The following NOX3 variants were observed in gnomAD, a reference collection of about 807,000 sequenced individuals.
NOX3 encodes NADPH oxidase catalytic subunit-like 3.
NOX3 carries 74 observed loss-of-function variants against 76.7 expected under a neutral mutation model. That is an observed-to-expected ratio of 0.96 (90% CI 0.80 to 1.17). NOX3 has a LOEUF of 1.17. Among genes scored for constraint, NOX3 ranks in the 50% most tolerant of loss-of-function variants. NOX3 has a pLI of 0.00. For missense variants in NOX3, 695 were observed against 703.3 expected (o/e 0.99, Z 0.13); for synonymous variants, 263 against 261.1 (o/e 1.01, Z -0.07).
chr6:155,411,701 G>C (rs938252468), intron 10 of NOX3, among the ~76,000 whole-genome samples: 9 of 152,186 alleles, frequency 5.9e-5, no homozygotes, highest in Non-Finnish European at 1.2e-4. Context: ...TGCTCCCAAA[G>C]GGGGATAAAC....
At chr6:155,412,416 C>T (rs988336370) in intron 10 of NOX3, among the ~76,000 whole-genome samples, 10 of 152,156 alleles carry the variant, frequency 6.6e-5, no homozygotes, top group Non-Finnish European at 1.5e-4. Flanking sequence ...AACATCTTGT[C>T]TATTCTCTTC....
chr6:155,407,154 T>C lies in NOX3; in HGVS notation c.1556A>G (p.Lys519Arg), dbSNP rs1280683327. 1.9e-6 allele frequency: 3 copies of C among 1,613,994 alleles called. No homozygotes were observed. Among genetic ancestry groups the C allele is most frequent in the East Asian group, 4.5e-5 (2 of 44,888 alleles). ...YGRPNWNNEF[K>R]QIAYNHPSSS... is the part of the protein sequence containing the mutation. ...CCTGGGGTGATTGTAGGCAATCTGC[T>C]TGAACTCATTGTTCCAGTTGGGCCT... The change falls in exon 12 of 14, where the codon AAG becomes AGG. Residue 519 changes from lysine to arginine, a missense_variant. By Grantham distance (26) the Lys-to-Arg change is conservative. Transcript: ENST00000159060.
At chr6:155,415,368 T>C (rs114427138) in intron 10 of NOX3, among the ~76,000 whole-genome samples, 4 of 152,350 alleles carry the variant, frequency 2.6e-5, no homozygotes, top group African/African-American at 9.6e-5. Context: ...TCTCCAAAAC[T>C]TGTGCCGTAT....
Position 155,454,815 on chromosome 6 carries a change from C to T in NOX3, c.251G>A (p.Ser84Asn), listed in dbSNP as rs776006090. 1 of 1,551,240 alleles carries T rather than the reference C, an allele frequency of 6.4e-7. No homozygotes were observed. The highest frequency in any genetic ancestry group is 8.8e-7 in the Non-Finnish European group (1 of 1,139,356). Residue 84 changes from serine to asparagine, a missense_variant, in exon 3 of 14, where the codon AGT becomes AAT. Physicochemically the swap from Ser to Asn is conservative, Grantham distance 46. Coordinates refer to ENST00000159060, the MANE Select transcript of NOX3 (RefSeq NM_015718.3). ...RNLISFIRGT[S>N]ICCRGPWRRQ... The stretch of plus-strand genomic sequence containing the variant: ...TTCAGATATTTTAGTACTTACAATA[C>T]TTGTTCCTCTTATGAATGAAATAAG...
Position 155,396,817 on chromosome 6 carries a change from T to A in NOX3, c.*19A>T, listed in dbSNP as rs767513174. On this transcript the variant is annotated 3_prime_UTR_variant, in exon 13 of 14. Coordinates refer to ENST00000159060, the MANE Select transcript of NOX3 (RefSeq NM_015718.3). ...TGATTGCAGCCACTTACACAATGCCTGGACTTGACCTCCAAAGTCTAGAAG... is the reference window on the plus strand; with the variant it reads ...TGATTGCAGCCACTTACACAATGCCAGGACTTGACCTCCAAAGTCTAGAAG... 2 of 1,602,628 alleles carry A rather than the reference T, an allele frequency of 1.2e-6. No individual in the cohort carries two copies. The highest frequency in any genetic ancestry group is 8.5e-7 in the Non-Finnish European group (1 of 1,174,112).
chr6:155,426,591 C>T (rs73567329), intron 9 of NOX3, among the ~76,000 whole-genome samples: 2,343 of 152,204 alleles, frequency 0.015, 57 homozygotes, highest in African/African-American at 0.054. Flanking sequence ...ATGTGGGGAA[C>T]AGCATTCCAG....
At chr6:155,431,130 C>A (rs1021140026) in intron 7 of NOX3, among the ~76,000 whole-genome samples, 195 bp from the exon 8 acceptor site, 1 of 152,110 alleles carries the variant, frequency 6.6e-6, no homozygotes, top group Admixed American at 6.5e-5. Context: ...AGTCTACAAG[C>A]TTATTTAAGA....
intron 10 of NOX3, among the ~76,000 whole-genome samples, chr6:155,417,602 C>G (rs1316272466): frequency 6.6e-6 from 1 of 152,034 alleles, no homozygotes; most frequent in Non-Finnish European, 1.5e-5. Context: ...CCTAAAGAGG[C>G]CAACTGATGG....
chr6:155,401,664 C>T (rs1270199195), intron 12 of NOX3, among the ~76,000 whole-genome samples: 1 of 151,918 alleles, frequency 6.6e-6, no homozygotes, highest in Non-Finnish European at 1.5e-5. Context: ...GGATTAGAAG[C>T]CCCCAATCAT....
chr6:155,438,416 C>A (rs1463111181), intron 6 of NOX3, among the ~76,000 whole-genome samples: 11 of 152,190 alleles, frequency 7.2e-5, no homozygotes, highest in Admixed American at 7.2e-4. Context: ...TGGACTGACC[C>A]GGTTACTAAG....
intron 10 of NOX3, among the ~76,000 whole-genome samples, chr6:155,416,794 A>G (rs1215399456): frequency 8.0e-6 from 1 of 125,414 alleles, no homozygotes; most frequent in African/African-American, 3.2e-5. Flanking sequence ...GCTATCCTCC[A>G]GGCTGGAGTG....
chr6:155,433,908 C>T (rs899005853), intron 7 of NOX3, among the ~76,000 whole-genome samples: 1 of 152,152 alleles, frequency 6.6e-6, no homozygotes, highest in Admixed American at 6.5e-5. Flanking sequence ...TCTTGGCTTT[C>T]TTTTCTTCTT....
At chr6:155,436,801 T>C (rs1776910770) in intron 6 of NOX3, among the ~76,000 whole-genome samples, 1 of 152,230 alleles carries the variant, frequency 6.6e-6, no homozygotes, top group African/African-American at 2.4e-5. Flanking sequence ...AAAGTGTCTA[T>C]ATTAGAGAAT....
intron 12 of NOX3, among the ~76,000 whole-genome samples, chr6:155,406,051 A>C (rs555721828): frequency 6.6e-6 from 1 of 152,310 alleles, no homozygotes; most frequent in African/African-American, 2.4e-5. Flanking sequence ...GGGCCTTGGC[A>C]CATGCTCCAG....
intron 8 of NOX3, 110 bp from the exon 9 acceptor site, chr6:155,429,157 T>G: frequency 9.1e-7 from 1 of 1,098,668 alleles, no homozygotes; most frequent in East Asian, 2.6e-5. Flanking sequence ...TCAGGTGTAA[T>G]TTACATATCC....
chr6:155,413,198 G>A (rs561602386), intron 10 of NOX3, among the ~76,000 whole-genome samples: 1 of 152,330 alleles, frequency 6.6e-6, no homozygotes, highest in African/African-American at 2.4e-5. Flanking sequence ...CAAAGACCTG[G>A]AAAAGTTGAG....
At chr6:155,432,281 A>G (rs1776844470) in intron 7 of NOX3, among the ~76,000 whole-genome samples, 2 of 152,054 alleles carry the variant, frequency 1.3e-5, no homozygotes, top group Admixed American at 6.5e-5. Context: ...AATGGGTCTG[A>G]GTTGCCTGGA....
chr6:155,398,947 T>C (rs1779175689), intron 12 of NOX3, among the ~76,000 whole-genome samples: 1 of 152,196 alleles, frequency 6.6e-6, no homozygotes, highest in Non-Finnish European at 1.5e-5. Flanking sequence ...CTGATATTAT[T>C]TTCCCACGCG....
intron 9 of NOX3, 137 bp from the exon 10 acceptor site, chr6:155,422,993 C>T: frequency 1.2e-6 from 1 of 821,580 alleles, no homozygotes; most frequent in East Asian, 2.6e-5. Context: ...CTGAAAATGC[C>T]CTATTTGGAG....
Sources: gnomAD v4.1 joint callset for allele counts (sites outside exome capture counted in the v4.1 genomes callset) on GRCh38, gnomAD v4.1.1 for gene constraint, MANE v1.5 for transcripts, NCBI Gene and HGNC (gene_info 2026-07-23, HGNC 2026-07-21) for gene names.